The following SETD5 variants were observed in gnomAD, a reference collection of about 807,000 sequenced individuals.
The protein encoded by SETD5 is SET domain containing 5.
Under a neutral mutation model 153.3 loss-of-function variants are expected in SETD5, and 44 were observed. That is an observed-to-expected ratio of 0.29 (90% CI 0.23 to 0.37). The LOEUF (loss-of-function observed/expected upper bound fraction) is 0.37, where lower values mean the gene tolerates loss of function less well. Ranked by LOEUF, SETD5 falls within the 10% of genes least tolerant of loss-of-function variation. The probability of loss-of-function intolerance (pLI) is 1.00; values close to 1 mark genes in which losing one functional copy is unlikely to be tolerated. For synonymous variants in SETD5, 716 were observed against 645.2 expected, an observed-to-expected ratio of 1.11 and a Z score of -1.66; for missense variants, 1,544 against 1,768.0, an observed-to-expected ratio of 0.87 and a Z score of 2.27.
chr3:9,445,794 T>G (rs1332151276), intron 13 of SETD5, 54 bp downstream of exon 13: 23 of 1,296,266 alleles, frequency 1.8e-5, no homozygotes, highest in Middle Eastern at 1.9e-4. Flanking sequence ...ACCTCCATCA[T>G]GTGAACCTCT....
intron 13 of SETD5, among the ~76,000 whole-genome samples, chr3:9,446,825 G>C (rs1189111560): frequency 1.3e-5 from 2 of 152,084 alleles, no homozygotes; most frequent in Non-Finnish European, 2.9e-5. Flanking sequence ...CAAAATAACT[G>C]ACCCTTTTTG....
intron 8 of SETD5, among the ~76,000 whole-genome samples, chr3:9,440,903 T>TA (rs1301162988): frequency 7.2e-5 from 11 of 152,224 alleles, no homozygotes; most frequent in East Asian, 5.8e-4. Context: ...CCTTTATTAA[T>TA]AAAAAAATAG....
At position 9,475,700 on chromosome 3, in the gene SETD5, C is replaced by T. The variant is rs1002403677; in HGVS notation, c.3938C>T (p.Pro1313Leu). The change falls in exon 23 of 23, where the codon CCA becomes CTA. Residue 1313 changes from proline (P) to leucine (L), a missense_variant. This residue lies in a region of SETD5 where 302 missense variants were observed against 277.6 expected (regional missense o/e 1.09). Coordinates refer to ENST00000402198, the MANE Select transcript of SETD5 (RefSeq NM_001080517.3). ...CCTGTGTCCACAGACTCGTTGGCCC[C>T]ATTTACGGGGACACCAGGGTATTTT... ...AHPVSTDSLAPFTGTPGYFSS... is the reference protein window; with the variant it reads ...AHPVSTDSLALFTGTPGYFSS... The T allele has an allele frequency of 5.0e-5, 81 of 1,613,856 alleles. No homozygotes were observed. The highest frequency in any genetic ancestry group is 6.3e-5 in the Non-Finnish European group (74 of 1,179,892).
intron 3 of SETD5, chr3:9,430,072 C>T (rs2039782146): frequency 9.5e-7 from 1 of 1,053,764 alleles, no homozygotes; most frequent in African/African-American, 1.7e-5. Context: ...CTCTAATTCC[C>T]CTGTTTCTCT....
At chr3:9,416,353 G>A (rs944296784) in intron 1 of SETD5, among the ~76,000 whole-genome samples, 2 of 152,084 alleles carry the variant, frequency 1.3e-5, no homozygotes, top group Admixed American at 6.6e-5. Context: ...CCTGCTTTGG[G>A]GTGTTTCTCC....
At chr3:9,449,848 G>A (rs1002113445) in intron 16 of SETD5, among the ~76,000 whole-genome samples, 1 of 152,306 alleles carries the variant, frequency 6.6e-6, no homozygotes, top group South Asian at 2.1e-4. Flanking sequence ...GGAAACGCTC[G>A]TAGAATTCCT....
chr3:9,428,908 G>T lies in SETD5; in HGVS notation c.-31G>T. The T allele has an allele frequency of 1.3e-6, 2 of 1,585,400 alleles. No homozygotes were observed. Among genetic ancestry groups the T allele is most frequent in the Non-Finnish European group, 1.7e-6 (2 of 1,157,484 alleles). ...GGTCAGTCTCCATTAATTGGACCCC[G>T]TGATTTCCAATCTCTGCTGTGTTGG... On this transcript the variant is annotated 5_prime_UTR_variant, in exon 3 of 23. Coordinates refer to ENST00000402198, the MANE Select transcript of SETD5 (RefSeq NM_001080517.3).
intron 1 of SETD5, among the ~76,000 whole-genome samples, chr3:9,412,394 T>TTTG (rs1397283604): frequency 1.5e-5 from 2 of 137,048 alleles, no homozygotes; most frequent in Non-Finnish European, 3.1e-5. Flanking sequence ...TGGGTTTTTT[T>TTTG]TTTTTTTTTT....
chr3:9,456,654 G>A, intron 17 of SETD5, among the ~76,000 whole-genome samples: 1 of 151,932 alleles, frequency 6.6e-6, no homozygotes, highest in Middle Eastern at 3.2e-3. Context: ...ACTCTTTCTT[G>A]TAGAGTATTT....
chr3:9,464,660 T>A lies in SETD5; in HGVS notation c.2712T>A (p.Pro904=). Residue 904 remains proline, a synonymous_variant, in exon 18 of 23, where the codon CCT becomes CCA. Coordinates refer to ENST00000402198, the MANE Select transcript of SETD5 (RefSeq NM_001080517.3). The stretch of plus-strand genomic sequence containing the variant: ...CTACTGCTAGTCGCTGCAACACTCC[T>A]CTACAGTTTGAGGTGATTTGGGTTT... ...SLTTASRCNT[P]LQFELCHRKD... 1 of 1,614,030 alleles carries A rather than the reference T, an allele frequency of 6.2e-7. No individual in the cohort carries two copies.
In SETD5 at chr3:9,474,423, G is replaced by C. The variant is rs753828913; in HGVS notation, c.3498-26G>C. On this transcript the variant is annotated intron_variant, in intron 20 of 22. Transcript: ENST00000402198. The stretch of plus-strand genomic sequence containing the variant: ...TTGTTTTGGTTAAGTCCTGTGGCTT[G>C]AACTTGCACCCTGTTGCCTTTACAG... 6.8e-6 allele frequency: 11 copies of C among 1,610,968 alleles called. No homozygotes were observed. In the South Asian group the frequency reaches 1.1e-4, roughly 16 times the overall value.
At chr3:9,444,012 A>C (rs2125221381) in intron 11 of SETD5, among the ~76,000 whole-genome samples, 1 of 152,358 alleles carries the variant, frequency 6.6e-6, no homozygotes, top group South Asian at 2.1e-4. Context: ...CAGTAAGCCA[A>C]GATCACGCCA....
At chr3:9,474,738 A>G in intron 21 of SETD5, 156 bp downstream of exon 21, 1 of 1,014,620 alleles carries the variant, frequency 9.9e-7, no homozygotes. Flanking sequence ...CATTTGGGCT[A>G]CCACATTTGT....
At chr3:9,398,889 T>G (rs1239929125) in intron 1 of SETD5, among the ~76,000 whole-genome samples, 1 of 152,190 alleles carries the variant, frequency 6.6e-6, no homozygotes, top group African/African-American at 2.4e-5. Flanking sequence ...GGTCTTTCTC[T>G]TGGATATGGA....
At chr3:9,444,357 A>G (rs548868292) in intron 11 of SETD5, among the ~76,000 whole-genome samples, 47 of 152,152 alleles carry the variant, frequency 3.1e-4, no homozygotes, top group African/African-American at 1.0e-3. Context: ...ATCAAGGAAA[A>G]TAAAAAAGGT....
chr3:9,435,997 G>C lies in SETD5; in HGVS notation c.567+91G>C, dbSNP rs1209457944. On this transcript the variant is annotated intron_variant, in intron 7 of 22. Coordinates refer to ENST00000402198, the MANE Select transcript of SETD5 (RefSeq NM_001080517.3). ...GCACCAAAATTCTTTTAAGAAGTTT[G>C]ATCCAGGTGTTTGAAGGGCCACTTT... is the stretch of plus-strand genomic sequence containing the variant. 4.6e-6 allele frequency: 6 copies of C among 1,301,444 alleles called. No homozygotes were observed. The East Asian group carries it at 1.3e-4, about 27-fold the overall frequency. 80.6% of individuals were successfully genotyped at this position (1,301,444 alleles called of 1,614,324 possible).
In SETD5 at chr3:9,470,045, C is replaced by T. The variant is rs75405410; in HGVS notation, c.2725-414C>T. Among the ~76,000 whole-genome samples the T allele has an allele frequency of 6.1e-3, 924 of 152,212 alleles. 12 individuals are homozygous for T. Among genetic ancestry groups the T allele is most frequent in the African/African-American group, 0.021 (886 of 41,506 alleles). ...ATATTAATTTAGAAATTGATAACCC[C>T]GGAAGCCAGTTATCTTAAGACACCA... On this transcript the variant is annotated intron_variant, in intron 18 of 22. Coordinates refer to ENST00000402198, the MANE Select transcript of SETD5 (RefSeq NM_001080517.3).
chr3:9,469,338 C>G (rs2045025019), intron 18 of SETD5, among the ~76,000 whole-genome samples: 1 of 152,150 alleles, frequency 6.6e-6, no homozygotes, highest in South Asian at 2.1e-4. Context: ...GATTTAGTAA[C>G]ATTAACTCTG....
At chr3:9,430,676 AAGAGGTT>A in intron 3 of SETD5, 1 of 305,868 alleles carries the variant, frequency 3.3e-6, no homozygotes, top group Non-Finnish European at 4.8e-6. Context: ...AATTTCAACA[AAGAGGTT>A]AAACCAATAC....
Sources: allele counts gnomAD v4.1 joint callset (sites outside exome capture counted in the v4.1 genomes callset), GRCh38; gene constraint gnomAD v4.1.1; regional missense constraint gnomAD v4.1.1; transcripts MANE v1.5; gene names NCBI Gene and HGNC (gene_info 2026-07-23, HGNC 2026-07-21).